KIF26A: variants seen among roughly 807,000 people sequenced by gnomAD.
The protein encoded by KIF26A is kinesin family member 26A.
Under a neutral mutation model 126.0 loss-of-function variants are expected in KIF26A, and 74 were observed. That is an observed-to-expected ratio of 0.59 (90% confidence interval 0.49 to 0.71). The LOEUF (loss-of-function observed/expected upper bound fraction) is 0.71, where lower values mean the gene tolerates loss of function less well. Ranked by LOEUF, KIF26A falls within the 30% of genes least tolerant of loss-of-function variation. The pLI is 0.00. For missense variants in KIF26A, 2,984 were observed against 2,763.3 expected, an observed-to-expected ratio of 1.08 and a Z score of -1.79; for synonymous variants, 1,445 against 1,232.7, an observed-to-expected ratio of 1.17 and a Z score of -3.61.
intron 2 of KIF26A, among the ~76,000 whole-genome samples, chr14:104,144,982 C>T (rs1327398984): frequency 6.6e-6 from 1 of 152,202 alleles, no homozygotes; most frequent in Non-Finnish European, 1.5e-5. Flanking sequence ...GCTGGGTGGT[C>T]TGGCCTCTGG....
chr14:104,176,803 T>C lies in KIF26A; in HGVS notation c.4015T>C (p.Ser1339Pro), dbSNP rs868030595. The part of the protein sequence containing the change: ...VVACSGSLKA[S>P]PTSKKGLAPK... ...GGCCTGCTCGGGGAGCCTGAAGGCC[T>C]CCCCCACCAGCAAGAAGGGTCTGGC... The change falls in exon 12 of 15, where the codon TCC (serine) becomes CCC (proline). Residue 1339 changes from serine (S) to proline (P), a missense_variant. Coordinates refer to ENST00000423312, the MANE Select transcript of KIF26A (RefSeq NM_015656.2). 6.4e-7 allele frequency: 1 copy of C among 1,563,982 alleles called. No homozygotes were observed. Among genetic ancestry groups the C allele is most frequent in the Non-Finnish European group, 8.7e-7 (1 of 1,155,732 alleles).
intron 5 of KIF26A, among the ~76,000 whole-genome samples, chr14:104,168,017 C>T (rs976319386): frequency 2.9e-5 from 4 of 139,398 alleles, no homozygotes; most frequent in African/African-American, 7.4e-5. Flanking sequence ...GCCCCTGTCC[C>T]TGGGCCTGGG....
In KIF26A at chr14:104,173,365, C is replaced by T. The variant is rs753938171; in HGVS notation, c.1719C>T (p.Ala573=). The T allele has an allele frequency of 2.9e-5, 46 of 1,597,796 alleles. No homozygotes were observed. The East Asian group carries it at 4.3e-4, about 15-fold the overall frequency. The change falls in exon 9 of 15, where the codon GCC becomes GCT. Residue 573 remains alanine, a synonymous_variant. Transcript: ENST00000423312. The part of the protein sequence containing the change: ...QNQSELRAPT[A]EKAAFYLDAA... The stretch of plus-strand genomic sequence containing the variant: ...AAAGCGAGCTGCGGGCACCCACGGC[C>T]GAGAAGGCGGCTTTCTACCTGGATG...
At chr14:104,157,972 G>C in intron 4 of KIF26A, 30 bp downstream of exon 4, 2 of 1,470,302 alleles carry the variant, frequency 1.4e-6, no homozygotes, top group African/African-American at 2.9e-5. Flanking sequence ...GGGCAGCCTT[G>C]TGGGCAGGGC....
Position 104,173,119 on chromosome 14 carries a change from G to T in KIF26A, c.1563G>T (p.Val521=). 1.1e-5 allele frequency: 17 copies of T among 1,608,134 alleles called. No homozygotes were observed. Among genetic ancestry groups the T allele is most frequent in the Non-Finnish European group, 1.4e-5 (17 of 1,178,186 alleles). The change falls in exon 8 of 15, where the codon GTG becomes GTT. Residue 521 remains valine (V), a synonymous_variant. Coordinates refer to ENST00000423312, the MANE Select transcript of KIF26A (RefSeq NM_015656.2). ...GTRFSVRVSA[V]EVCGRDQSLR... is the part of the protein sequence containing the mutation. ...GCTTCTCCGTCCGGGTCTCAGCCGTGGAGGTGTGCGGGCGCGACCAGAGCC... is the reference window on the plus strand; with the variant it reads ...GCTTCTCCGTCCGGGTCTCAGCCGTTGAGGTGTGCGGGCGCGACCAGAGCC...
intron 14 of KIF26A, 44 bp downstream of exon 14, chr14:104,179,430 C>T (rs1348159797): frequency 1.4e-6 from 2 of 1,457,966 alleles, no homozygotes; most frequent in South Asian, 1.4e-5. Flanking sequence ...CCACCGTGTG[C>T]CCTGACAGCT....
Position 104,176,437 on chromosome 14 carries a change from G to T in KIF26A, c.3649G>T (p.Ala1217Ser). The change falls in exon 12 of 15, where the codon GCC becomes TCC. Residue 1217 changes from alanine (A) to serine (S), a missense_variant. Coordinates refer to ENST00000423312, the MANE Select transcript of KIF26A (RefSeq NM_015656.2). ...HSSLPRKPRT[A>S]SATTRVGCAR... is the part of the protein sequence containing the mutation. ...CAGCCTCCCCCGGAAACCGAGGACT[G>T]CCTCTGCCACCACCCGTGTGGGCTG... is the stretch of plus-strand genomic sequence containing the variant. 6.3e-7 allele frequency: 1 copy of T among 1,598,970 alleles called. No individual in the cohort carries two copies.
At chr14:104,146,720 C>T (rs962598121) in intron 2 of KIF26A, among the ~76,000 whole-genome samples, 2 of 152,150 alleles carry the variant, frequency 1.3e-5, no homozygotes, top group East Asian at 1.9e-4. Context: ...GCTCCTGGGG[C>T]GGCAGTGTTT....
rs1186218811 is a variant in KIF26A, at chr14:104,179,805, C to T, written c.*15C>T. On this transcript the variant is annotated 3_prime_UTR_variant, in exon 15 of 15. Transcript: ENST00000423312. The stretch of plus-strand genomic sequence containing the variant: ...TGGACGTCTGAGGCTGGGCGCCGGA[C>T]AAGAGGAGGGGGCGTGCAGCGGGCT... 4 of 1,512,190 alleles carry T rather than the reference C, an allele frequency of 2.6e-6. No homozygotes were observed. In the South Asian group the frequency reaches 3.8e-5, roughly 14 times the overall value. 93.7% of individuals were successfully genotyped at this position (1,512,190 alleles called of 1,614,324 possible).
rs1316153600 is a variant in KIF26A, at chr14:104,177,347, C to T, written c.4559C>T (p.Ala1520Val). 4.7e-6 allele frequency: 7 copies of T among 1,500,790 alleles called. No homozygotes were observed. The highest frequency in any genetic ancestry group is 4.9e-5 in the East Asian group (2 of 40,864). 93.0% of individuals were successfully genotyped at this position (1,500,790 alleles called of 1,614,324 possible). A position where few individuals can be genotyped will look rare whatever the true frequency, so the allele number is the denominator to read the frequency against. The change falls in exon 12 of 15, where the codon GCC becomes GTC. Residue 1520 changes from alanine to valine, a missense_variant. Coordinates refer to ENST00000423312, the MANE Select transcript of KIF26A (RefSeq NM_015656.2). ...ALGPSVKLSTASVTGRSPGGP... is the reference protein window; with the variant it reads ...ALGPSVKLSTVSVTGRSPGGP... The stretch of plus-strand genomic sequence containing the variant: ...GGGCCTTCGGTGAAGCTGTCTACGG[C>T]CTCTGTGACGGGCAGGAGCCCTGGC...
intron 4 of KIF26A, among the ~76,000 whole-genome samples, chr14:104,159,056 A>AT (rs1454502723): frequency 6.6e-6 from 1 of 152,262 alleles, no homozygotes; most frequent in East Asian, 1.9e-4. Flanking sequence ...GGGGCATATG[A>AT]TTAGGGCATT....
At chr14:104,165,607 GTC>G (rs922681717) in intron 4 of KIF26A, among the ~76,000 whole-genome samples, 10 of 139,310 alleles carry the variant, frequency 7.2e-5, no homozygotes, top group African/African-American at 2.2e-4. Flanking sequence ...GCATGTGTGT[GTC>G]TCTGTCTCTG....
Position 104,175,961 on chromosome 14 carries a change from A to G in KIF26A, c.3173A>G (p.Asp1058Gly). Residue 1058 changes from aspartate (D) to glycine (G), a missense_variant, in exon 12 of 15, where the codon GAC (aspartate) becomes GGC (glycine). Coordinates refer to ENST00000423312, the MANE Select transcript of KIF26A (RefSeq NM_015656.2). Reference sequence around the variant, plus strand: ...CGGCCCACCAGCCTGGCTAGCTTCGACAGTGACTGCTCCCTGCGGGCCCTG... The same window carrying G: ...CGGCCCACCAGCCTGGCTAGCTTCGGCAGTGACTGCTCCCTGCGGGCCCTG... ...AGRPTSLASFDSDCSLRALAS... is the reference protein window; with the variant it reads ...AGRPTSLASFGSDCSLRALAS... 6.4e-7 allele frequency: 1 copy of G among 1,570,918 alleles called. No homozygotes were observed. The highest frequency in any genetic ancestry group is 1.2e-5 in the South Asian group (1 of 86,582).
In KIF26A at chr14:104,175,638, C is replaced by T. The variant is rs745661898; in HGVS notation, c.2850C>T (p.Ser950=). ...AVSGGRRPLP[S]PAPPPPQLLE... ...GTGGAGGCAGGAGGCCACTGCCCAG[C>T]CCGGCTCCCCCACCTCCTCAGTTGC... Residue 950 remains serine, a synonymous_variant, in exon 12 of 15, where the codon AGC becomes AGT. Transcript: ENST00000423312. 2.5e-6 allele frequency: 4 copies of T among 1,610,352 alleles called. No homozygotes were observed. The highest frequency in any genetic ancestry group is 3.4e-6 in the Non-Finnish European group (4 of 1,179,494).
In KIF26A at chr14:104,152,024, C is replaced by G; in HGVS notation, c.298C>G (p.Leu100Val). 2 of 1,612,626 alleles carry G rather than the reference C, an allele frequency of 1.2e-6. No individual in the cohort carries two copies. The highest frequency in any genetic ancestry group is 1.7e-6 in the Non-Finnish European group (2 of 1,179,766). The change falls in exon 3 of 15, where the codon CTC becomes GTC. Residue 100 changes from leucine to valine, a missense_variant. Physicochemically the swap from Leu to Val is conservative, Grantham distance 32. Coordinates refer to ENST00000423312, the MANE Select transcript of KIF26A (RefSeq NM_015656.2). The surrounding 1 kb of genome is among the most constrained non-coding windows in gnomAD (Gnocchi z 5.9). ...GPGTTLRDPC[L>V]SALLLDKLPA... is the part of the protein sequence containing the mutation. ...CCCTTGCTGTCCTCAGGATCCTTGCCTCTCTGCCCTGCTTCTCGACAAGCT... is the reference window on the plus strand; with the variant it reads ...CCCTTGCTGTCCTCAGGATCCTTGCGTCTCTGCCCTGCTTCTCGACAAGCT...
chr14:104,156,975 T>TG (rs1027218294), intron 3 of KIF26A, among the ~76,000 whole-genome samples: 1 of 152,030 alleles, frequency 6.6e-6, no homozygotes, highest in Admixed American at 6.5e-5. Context: ...CTTGGGGCAC[T>TG]GGGCCCTTGG....
rs764408698 is a variant in KIF26A, at chr14:104,166,903, A to G, written c.968A>G (p.His323Arg). The change falls in exon 5 of 15, where the codon CAC becomes CGC. Residue 323 changes from histidine (H) to arginine (R), a missense_variant. By Grantham distance (29) the His-to-Arg change is conservative. Coordinates refer to ENST00000423312, the MANE Select transcript of KIF26A (RefSeq NM_015656.2). ...LSLASKRKKP[H>R]PPPPPATRGT... ...CTGGCCTCCAAGAGGAAGAAGCCCCACCCGCCACCGCCTCCAGCCACCCGC... is the reference window on the plus strand; with the variant it reads ...CTGGCCTCCAAGAGGAAGAAGCCCCGCCCGCCACCGCCTCCAGCCACCCGC... The G allele has an allele frequency of 6.3e-7, 1 of 1,580,064 alleles. No homozygotes were observed. The highest frequency in any genetic ancestry group is 1.4e-5 in the African/African-American group (1 of 74,000).
intron 2 of KIF26A, 93 bp downstream of exon 2, chr14:104,139,381 C>T (rs1286086613): frequency 3.8e-6 from 5 of 1,313,422 alleles, no homozygotes; most frequent in Non-Finnish European, 5.0e-6. Flanking sequence ...GGTTCCACTC[C>T]TTCCCTGCTG....
intron 5 of KIF26A, among the ~76,000 whole-genome samples, chr14:104,169,736 G>A (rs1329116661): frequency 6.6e-6 from 1 of 152,186 alleles, no homozygotes; most frequent in Non-Finnish European, 1.5e-5. Context: ...GCTGAGCAGC[G>A]CCCTTCCCCC....
Sources: gnomAD v4.1 joint callset for allele counts (sites outside exome capture counted in the v4.1 genomes callset) on GRCh38, gnomAD v4.1.1 for gene constraint, Gnocchi (gnomAD v3.1) non-coding constraint, MANE v1.5 for transcripts, NCBI Gene and HGNC (gene_info 2026-07-23, HGNC 2026-07-21) for gene names.